The following GOLGA1 variants were observed in gnomAD, a reference collection of about 807,000 sequenced individuals.
GOLGA1 encodes golgin A1, also known as golgin subfamily A member 1.
GOLGA1 carries 63 observed loss-of-function variants against 119.7 expected under a neutral mutation model. The observed-to-expected ratio is 0.53, with a 90% CI of 0.43 to 0.65. The LOEUF is 0.65. Among genes scored for constraint, GOLGA1 ranks in the 30% least tolerant of loss-of-function variants. GOLGA1 has a pLI of 0.00. For synonymous variants in GOLGA1, 318 were observed against 333.4 expected, an observed-to-expected ratio of 0.95 and a Z score of 0.50; for missense variants, 798 against 912.8, an observed-to-expected ratio of 0.87 and a Z score of 1.62.
At chr9:124,893,509 T>G (rs964993305) in intron 15 of GOLGA1, among the ~76,000 whole-genome samples, 1 of 152,214 alleles carries the variant, frequency 6.6e-6, no homozygotes, top group African/African-American at 2.4e-5. Context: ...TAACCTGGGA[T>G]CATTTTAATC....
In GOLGA1 at chr9:124,925,103, C is replaced by T. The variant is rs1020473147; in HGVS notation, c.432+1606G>A. Among the ~76,000 whole-genome samples the T allele has an allele frequency of 4.3e-4, 66 of 151,858 alleles. No homozygotes were observed. The East Asian group carries it at 6.8e-3, about 16-fold the overall frequency. ...TCAAAAAAAAAAAAGAAAAATTTTC[C>T]CCAACCTCTCCTTCAAAAGAACAAA... On this transcript the variant is annotated intron_variant, in intron 7 of 22. Transcript: ENST00000373555.
At chr9:124,930,444 T>C (rs921612197) in intron 4 of GOLGA1, among the ~76,000 whole-genome samples, 1 of 152,224 alleles carries the variant, frequency 6.6e-6, no homozygotes, top group South Asian at 2.1e-4. Context: ...CTAAGCCTAA[T>C]AAGGCTCTAG....
chr9:124,898,938 A>G (rs1303854623), intron 14 of GOLGA1, among the ~76,000 whole-genome samples: 3 of 152,072 alleles, frequency 2.0e-5, no homozygotes, highest in Non-Finnish European at 2.9e-5. Flanking sequence ...GCTCATGCCT[A>G]TAATTCCAGC....
At position 124,923,040 on chromosome 9, in the gene GOLGA1, A is replaced by C. The variant is rs1830601347; in HGVS notation, c.561+55T>G. On this transcript the variant is annotated intron_variant, in intron 8 of 22. Coordinates refer to ENST00000373555, the MANE Select transcript of GOLGA1 (RefSeq NM_002077.4). ...CAATTAGAGAGTGATGACTAGTAAA[A>C]TCAGAGTGAATAATCATCTATTCAG... 4.0e-6 allele frequency: 5 copies of C among 1,261,050 alleles called. No individual in the cohort carries two copies. In the South Asian group the frequency reaches 5.1e-5, roughly 13 times the overall value. The allele number at this position is 1,261,050 out of a possible 1,614,324, so 78.1% of individuals were successfully genotyped here.
chr9:124,919,147 T>C (rs1394910000), intron 10 of GOLGA1, among the ~76,000 whole-genome samples: 1 of 151,732 alleles, frequency 6.6e-6, no homozygotes, highest in Non-Finnish European at 1.5e-5. Context: ...GTCCCAGCTA[T>C]TTGGGAGGCT....
Position 124,938,860 on chromosome 9 carries a change from A to G in GOLGA1, c.-149T>C. 1 of 547,404 alleles carries G rather than the reference A, an allele frequency of 1.8e-6. No individual in the cohort carries two copies. Among genetic ancestry groups the G allele is most frequent in the Non-Finnish European group, 3.2e-6 (1 of 314,568 alleles). 33.9% of individuals were successfully genotyped at this position (547,404 alleles called of 1,614,324 possible). On this transcript the variant is annotated 5_prime_UTR_variant, in exon 3 of 23. Coordinates refer to ENST00000373555, the MANE Select transcript of GOLGA1 (RefSeq NM_002077.4). ...ATGTGGGCCAAGGGCTTATGGCAAC[A>G]CAGGATCTACAAATCAGATGAAAGA...
Position 124,931,426 on chromosome 9 carries a change from GA to G in GOLGA1, c.136-21del. On this transcript the variant is annotated intron_variant, in intron 3 of 22. Coordinates refer to ENST00000373555, the MANE Select transcript of GOLGA1 (RefSeq NM_002077.4). ...GGAAGCCTGTTGAGGTAGACACAAG[GA>G]AGGTCGTATTCATATATGTGTGAGA... 1 of 1,242,178 alleles carries G rather than the reference GA, an allele frequency of 8.1e-7. No individual in the cohort carries two copies. Among genetic ancestry groups the G allele is most frequent in the Non-Finnish European group, 1.2e-6 (1 of 840,528 alleles). The allele number at this position is 1,242,178 out of a possible 1,614,324, so 76.9% of individuals were successfully genotyped here.
Position 124,908,440 on chromosome 9 carries a change from G to C in GOLGA1, c.1002C>G (p.Thr334=), listed in dbSNP as rs1358590277. ...KTLAEQNLED[T]RQQLLAARSS... ...TTCTGGCTGCCAAGAGCTGTTGTCTGGTATCCTCCAAATTCTGCTCAGCAA... is the reference window on the plus strand; with the variant it reads ...TTCTGGCTGCCAAGAGCTGTTGTCTCGTATCCTCCAAATTCTGCTCAGCAA... The change falls in exon 12 of 23, where the codon ACC becomes ACG. Residue 334 remains threonine (T), a synonymous_variant. Transcript: ENST00000373555. 1 of 1,609,410 alleles carries C rather than the reference G, an allele frequency of 6.2e-7. No homozygotes were observed. The highest frequency in any genetic ancestry group is 8.5e-7 in the Non-Finnish European group (1 of 1,175,804).
rs796240730 is a variant in GOLGA1 at position 124,896,931 on chromosome 9, C to CA, written c.1407+1617dup. ...TGGGCAACAGAGCAAGACCCTGTCT[C>CA]AAAAAAAAAAAGACCTGCCAGGGCT... On this transcript the variant is annotated intron_variant, in intron 15 of 22. Coordinates refer to ENST00000373555, the MANE Select transcript of GOLGA1 (RefSeq NM_002077.4). Among the ~76,000 whole-genome samples the CA allele has an allele frequency of 4.7e-3, 674 of 143,526 alleles. 4 individuals are homozygous for CA. Among genetic ancestry groups the CA allele is most frequent in the Middle Eastern group, 0.011 (3 of 278 alleles). The allele number at this position is 143,526 out of a possible 152,430, so 94.2% of individuals were successfully genotyped here.
At chr9:124,891,643 G>GTT (rs534178923) in intron 15 of GOLGA1, among the ~76,000 whole-genome samples, 1 of 146,054 alleles carries the variant, frequency 6.8e-6, no homozygotes, top group East Asian at 2.0e-4. Context: ...CCATTCTTTT[G>GTT]TTTTTTTTTT....
upstream of GOLGA1, chr9:124,941,120 G>GC (rs959666810): frequency 2.0e-5 from 2 of 99,424 alleles, no homozygotes; most frequent in African/African-American, 6.1e-5. Context: ...ACTGCGCGGT[G>GC]GGGGGAGGGG....
At chr9:124,923,250 C>T (rs916402776) in intron 7 of GOLGA1, 27 bp from the exon 8 acceptor site, 2 of 1,553,434 alleles carry the variant, frequency 1.3e-6, no homozygotes, top group East Asian at 4.5e-5. Context: ...GACATCAACT[C>T]AGGCAACGAA....
chr9:124,895,641 G>A (rs991871622), intron 15 of GOLGA1, among the ~76,000 whole-genome samples: 1 of 139,984 alleles, frequency 7.1e-6, no homozygotes, highest in Non-Finnish European at 1.5e-5. Context: ...CCACGACAGA[G>A]AGCCTCCACG....
rs373796604 is a variant in GOLGA1 at position 124,907,730 on chromosome 9, T to C, written c.1065+647A>G. Among the ~76,000 whole-genome samples, 127 of 152,226 alleles carry C rather than the reference T, an allele frequency of 8.3e-4. No homozygotes were observed. The Middle Eastern group carries it at 0.014, about 16-fold the overall frequency. On this transcript the variant is annotated intron_variant, in intron 12 of 22. Coordinates refer to ENST00000373555, the MANE Select transcript of GOLGA1 (RefSeq NM_002077.4). Reference sequence around the variant, plus strand: ...CCAAACTCATTAATCACCATAGCAATGCAAATTAAAGCAATGAAATACCAC... The same window carrying C: ...CCAAACTCATTAATCACCATAGCAACGCAAATTAAAGCAATGAAATACCAC...
At position 124,895,334 on chromosome 9, in the gene GOLGA1, T is replaced by C. The variant is rs1348662386; in HGVS notation, c.1407+3215A>G. Among the ~76,000 whole-genome samples, 466 of 60,340 alleles carry C rather than the reference T, an allele frequency of 7.7e-3. 1 individual carries two copies. Among genetic ancestry groups the C allele is most frequent in the African/African-American group, 0.011 (159 of 14,678 alleles). 39.6% of individuals were successfully genotyped at this position (60,340 alleles called of 152,430 possible). On this transcript the variant is annotated intron_variant, in intron 15 of 22. Coordinates refer to ENST00000373555, the MANE Select transcript of GOLGA1 (RefSeq NM_002077.4). Reference sequence around the variant, plus strand: ...ACAGAGAACCATCCACAACAGAGACTCTCCACAACAGAGAACCCTCCACAA... The same window carrying C: ...ACAGAGAACCATCCACAACAGAGACCCTCCACAACAGAGAACCCTCCACAA...
At chr9:124,898,669 A>G in intron 14 of GOLGA1, 25 bp from the exon 15 acceptor site, 1 of 1,395,480 alleles carries the variant, frequency 7.2e-7, no homozygotes, top group Non-Finnish European at 1.0e-6. Flanking sequence ...GAACACATAT[A>G]AAAGAAGTCT....
In GOLGA1 at chr9:124,931,111, T is replaced by A. The variant is rs181756612; in HGVS notation, c.226+205A>T. Among the ~76,000 whole-genome samples the A allele has an allele frequency of 1.3e-4, 20 of 152,236 alleles. 1 individual carries two copies. Among genetic ancestry groups the A allele is most frequent in the Admixed American group, 8.5e-4 (13 of 15,280 alleles). On this transcript the variant is annotated intron_variant, in intron 4 of 22. Coordinates refer to ENST00000373555, the MANE Select transcript of GOLGA1 (RefSeq NM_002077.4). ...CTAGAAACCTCAGGAGCAGAAAAAA[T>A]TTTTTAATAAACTTTCAAATTCAGT...
chr9:124,894,746 C>T (rs1307746674), intron 15 of GOLGA1, among the ~76,000 whole-genome samples: 1 of 152,190 alleles, frequency 6.6e-6, no homozygotes, highest in Non-Finnish European at 1.5e-5. Context: ...TTTGCCCCCA[C>T]AAGACATTTG....
Position 124,881,627 on chromosome 9 carries a change from G to A in GOLGA1, c.2136+157C>T, listed in dbSNP as rs1286909171. Among the ~76,000 whole-genome samples the A allele has an allele frequency of 1.3e-5, 2 of 152,144 alleles. No homozygotes were observed. Among genetic ancestry groups the A allele is most frequent in the African/African-American group, 4.8e-5 (2 of 41,434 alleles). ...GCCTCTCCCGCCAGCCGCTCACTCC[G>A]CAGGCCAACGCCAGCAGGAGAAATG... is the stretch of plus-strand genomic sequence containing the variant. On this transcript the variant is annotated intron_variant, in intron 21 of 22. Transcript: ENST00000373555. This position sits in a 1 kb window ranked among gnomAD's most constrained non-coding sequence, Gnocchi z 4.9.
Sources: allele counts gnomAD v4.1 joint callset (sites outside exome capture counted in the v4.1 genomes callset), GRCh38; gene constraint gnomAD v4.1.1; non-coding constraint Gnocchi (gnomAD v3.1); transcripts MANE v1.5; gene names NCBI Gene and HGNC (gene_info 2026-07-23, HGNC 2026-07-21).